Variants in OR2T10 observed in about 807,000 individuals in gnomAD.
The protein encoded by OR2T10 is olfactory receptor family 2 subfamily T member 10, also known as olfactory receptor 2T10.
For missense variants in OR2T10, 335 were observed against 382.5 expected (o/e 0.88, Z 1.04); for synonymous variants, 125 against 141.8 (o/e 0.88, Z 0.84).
chr1:248,593,642 T>C lies in OR2T10; in HGVS notation c.127A>G (p.Ile43Val). 1 of 1,560,880 alleles carries C rather than the reference T, an allele frequency of 6.4e-7. No individual in the cohort carries two copies. The highest frequency in any genetic ancestry group is 8.7e-7 in the Non-Finnish European group (1 of 1,148,696). Reference sequence around the variant, plus strand: ...ATGTGGATCAGAAGTATCAATGTAATATTCCAAGACACAGCCATCAAAAAT... The same window carrying C: ...ATGTGGATCAGAAGTATCAATGTAACATTCCAAGACACAGCCATCAAAAAT... ...SIFLMAVSWN[I>V]TLILLIHIDS... The change falls in exon 2 of 2, where the codon ATT becomes GTT. Residue 43 changes from isoleucine (I) to valine (V), a missense_variant. By Grantham distance (29) the Ile-to-Val change is conservative. Transcript: ENST00000642090.
Position 248,597,483 on chromosome 1 carries a change from C to A in OR2T10, c.-29+9G>T, listed in dbSNP as rs1424688891. The A allele has an allele frequency of 2.8e-5, 4 of 142,256 alleles. No homozygotes were observed. The highest frequency in any genetic ancestry group is 1.1e-4 in the African/African-American group (4 of 36,062). The allele number at this position is 142,256 out of a possible 1,614,324, so 8.8% of individuals were successfully genotyped here. A position where few individuals can be genotyped will look rare whatever the true frequency, so the allele number is the denominator to read the frequency against. On this transcript the variant is annotated intron_variant, in intron 1 of 1. Coordinates refer to ENST00000642090, the MANE Select transcript of OR2T10 (RefSeq NM_001004693.2). ...AAAAGTTAATAACAATAAATTATTC[C>A]TTTCTTACTGGAACAAAGGAAGAAA...
At chr1:248,594,222 G>T (rs1364320074) in intron 1 of OR2T10, among the ~76,000 whole-genome samples, 1 of 143,010 alleles carries the variant, frequency 7.0e-6, no homozygotes, top group Non-Finnish European at 1.5e-5. Flanking sequence ...TGCAAAAAAG[G>T]ATTAGTAATA....
Position 248,592,155 on chromosome 1 carries a change from G to C in OR2T10, c.*675C>G, listed in dbSNP as rs963531779. 1 of 143,704 alleles carries C rather than the reference G, an allele frequency of 7.0e-6. No homozygotes were observed. The highest frequency in any genetic ancestry group is 1.5e-5 in the Non-Finnish European group (1 of 66,336). The allele number at this position is 143,704 out of a possible 1,614,324, so 8.9% of individuals were successfully genotyped here. On this transcript the variant is annotated 3_prime_UTR_variant, in exon 2 of 2. Coordinates refer to ENST00000642090, the MANE Select transcript of OR2T10 (RefSeq NM_001004693.2). The stretch of plus-strand genomic sequence containing the variant: ...CATGTCTCTGCTCTAATTTTGGGAG[G>C]TTTGACTTCTTATATGCTCACAGAA...
rs1262057724 is a variant in OR2T10 at position 248,590,617 on chromosome 1, A to G, written c.*2213T>C. The G allele has an allele frequency of 7.0e-5, 10 of 143,468 alleles. 1 individual carries two copies. The highest frequency in any genetic ancestry group is 4.8e-4 in the Admixed American group (7 of 14,698). The allele number at this position is 143,468 out of a possible 1,614,324, so 8.9% of individuals were successfully genotyped here. A position where few individuals can be genotyped will look rare whatever the true frequency, so the allele number is the denominator to read the frequency against. On this transcript the variant is annotated 3_prime_UTR_variant, in exon 2 of 2. Transcript: ENST00000642090. ...ATATAATTGGGGTTCTATGTGAGCT[A>G]TAACTTCTAACCATATTCTATTTGG... is the stretch of plus-strand genomic sequence containing the variant.
intron 1 of OR2T10, among the ~76,000 whole-genome samples, chr1:248,595,888 G>A (rs573464971): frequency 9.1e-5 from 13 of 142,972 alleles, no homozygotes; most frequent in Admixed American, 6.2e-4. Flanking sequence ...CAGCATAGAG[G>A]CCCTGTCTCT....
intron 1 of OR2T10, among the ~76,000 whole-genome samples, chr1:248,596,398 A>G (rs1394432201): frequency 7.0e-6 from 1 of 142,908 alleles, no homozygotes; most frequent in Non-Finnish European, 1.5e-5. Flanking sequence ...GCAAATCAGC[A>G]GTGAGATGGA....
Position 248,592,680 on chromosome 1 carries a change from T to G in OR2T10, c.*150A>C. ...TAAGTGAACATCATCTCAAGTGTGATTATAGGAGGGAAGAACACTGGGCTG... is the reference window on the plus strand; with the variant it reads ...TAAGTGAACATCATCTCAAGTGTGAGTATAGGAGGGAAGAACACTGGGCTG... On this transcript the variant is annotated 3_prime_UTR_variant, in exon 2 of 2. Coordinates refer to ENST00000642090, the MANE Select transcript of OR2T10 (RefSeq NM_001004693.2). 3.8e-6 allele frequency: 2 copies of G among 529,584 alleles called. No homozygotes were observed. 32.8% of individuals were successfully genotyped at this position (529,584 alleles called of 1,614,324 possible). A position where few individuals can be genotyped will look rare whatever the true frequency, so the allele number is the denominator to read the frequency against.
At chr1:248,594,790 G>A (rs1170412498) in intron 1 of OR2T10, 1 of 143,408 alleles carries the variant, frequency 7.0e-6, no homozygotes, top group Admixed American at 6.8e-5. Context: ...TAGAATTTTG[G>A]TGAGAGAAAG....
In OR2T10 at chr1:248,592,149, T is replaced by G. The variant is rs1292092681; in HGVS notation, c.*681A>C. The stretch of plus-strand genomic sequence containing the variant: ...ATAGCCCATGTCTCTGCTCTAATTT[T>G]GGGAGGTTTGACTTCTTATATGCTC... On this transcript the variant is annotated 3_prime_UTR_variant, in exon 2 of 2. Transcript: ENST00000642090. The G allele has an allele frequency of 6.9e-6, 1 of 144,034 alleles. No individual in the cohort carries two copies. Among genetic ancestry groups the G allele is most frequent in the African/African-American group, 2.7e-5 (1 of 36,686 alleles). 8.9% of individuals were successfully genotyped at this position (144,034 alleles called of 1,614,324 possible).
chr1:248,597,392 T>TTA (rs1660108266), intron 1 of OR2T10, 100 bp downstream of exon 1: 6 of 143,114 alleles, frequency 4.2e-5, no homozygotes, highest in African/African-American at 1.6e-4. Flanking sequence ...GTATTAAATA[T>TTA]ATATTAACTG....
At chr1:248,595,690 T>C (rs1387201853) in intron 1 of OR2T10, among the ~76,000 whole-genome samples, 2 of 143,288 alleles carry the variant, frequency 1.4e-5, no homozygotes, top group African/African-American at 5.5e-5. Context: ...ACTAGACTAA[T>C]AAACTATATT....
At position 248,593,439 on chromosome 1, in the gene OR2T10, T is replaced by C; in HGVS notation, c.330A>G (p.Ala110=). The change falls in exon 2 of 2, where the codon GCA becomes GCG. Residue 110 remains alanine, a synonymous_variant. Coordinates refer to ENST00000642090, the MANE Select transcript of OR2T10 (RefSeq NM_001004693.2). ...QMYFYLQLGG[A]ECCLLAAMAY... is the part of the protein sequence containing the mutation. ...CCATGGCGGCTAGAAGGCAGCACTC[T>C]GCACCTCCCAACTGCAGGTAGAAGT... 2 of 1,572,294 alleles carry C rather than the reference T, an allele frequency of 1.3e-6. No individual in the cohort carries two copies. Among genetic ancestry groups the C allele is most frequent in the East Asian group, 2.3e-5 (1 of 43,612 alleles).
In OR2T10 at chr1:248,592,949, ACAT is replaced by A. The variant is rs1255503092; in HGVS notation, c.817_819del (p.Met273del). ...GTAAGGATAGTGTAGAAAAAGGATG[ACAT>A]CATATCTTTCTCAGGAGTTTGGTAG... On this transcript the variant is annotated inframe_deletion, in exon 2 of 2. Coordinates refer to ENST00000642090, the MANE Select transcript of OR2T10 (RefSeq NM_001004693.2). 2.6e-6 allele frequency: 4 copies of A among 1,566,622 alleles called. 1 individual carries two copies. The highest frequency in any genetic ancestry group is 2.3e-5 in the South Asian group (2 of 88,782).
In OR2T10 at chr1:248,590,630, A is replaced by G. The variant is rs533977871; in HGVS notation, c.*2200T>C. The G allele has an allele frequency of 1.4e-5, 2 of 143,294 alleles. No homozygotes were observed. The highest frequency in any genetic ancestry group is 5.5e-5 in the African/African-American group (2 of 36,482). The allele number at this position is 143,294 out of a possible 1,614,324, so 8.9% of individuals were successfully genotyped here. On this transcript the variant is annotated 3_prime_UTR_variant, in exon 2 of 2. Coordinates refer to ENST00000642090, the MANE Select transcript of OR2T10 (RefSeq NM_001004693.2). ...TCTATGTGAGCTATAACTTCTAACC[A>G]TATTCTATTTGGCCCATCTGTTTCA...
Position 248,592,938 on chromosome 1 carries a change from GAA to G in OR2T10, c.829_830del (p.Phe277LeufsTer18), listed in dbSNP as rs776764331. ...TCAAGACAGGTGTAAGGATAGTGTA[GAA>G]AAAGGATGACATCATATCTTTCTCA... ...TPEKDMMSSF[F>X]YTILTPVLNP... On this transcript the variant is annotated frameshift_variant, in exon 2 of 2. Coordinates refer to ENST00000642090, the MANE Select transcript of OR2T10 (RefSeq NM_001004693.2). LOFTEE classifies it low-confidence loss of function (END_TRUNC). 6.4e-7 allele frequency: 1 copy of G among 1,566,016 alleles called. No individual in the cohort carries two copies. The highest frequency in any genetic ancestry group is 1.7e-5 in the Admixed American group (1 of 58,376).
chr1:248,597,132 C>A (rs1438035234), intron 1 of OR2T10, among the ~76,000 whole-genome samples: 1 of 143,368 alleles, frequency 7.0e-6, no homozygotes, highest in Non-Finnish European at 1.5e-5. Context: ...GTTTAGTTCT[C>A]TTCTTTTCCG....
intron 1 of OR2T10, among the ~76,000 whole-genome samples, chr1:248,596,636 A>G (rs990630048): frequency 2.1e-5 from 3 of 143,734 alleles, no homozygotes; most frequent in Non-Finnish European, 4.5e-5. Flanking sequence ...ACGCAAGGCA[A>G]AAGAACAGCA....
intron 1 of OR2T10, among the ~76,000 whole-genome samples, chr1:248,596,876 C>T (rs1660100058): frequency 7.0e-6 from 1 of 142,166 alleles, no homozygotes; most frequent in African/African-American, 2.8e-5. Context: ...AGGCTGAAAC[C>T]TCTATCAACC....
Position 248,596,763 on chromosome 1 carries a change from G to A in OR2T10, c.-29+729C>T, listed in dbSNP as rs1319836812. On this transcript the variant is annotated intron_variant, in intron 1 of 1. Transcript: ENST00000642090. ...GACAGGCTTCACAGTAGTAACATCT[G>A]CACTGTAGGAAGGAGAGCACCCCTC... 3.5e-5 allele frequency among the ~76,000 whole-genome samples: 5 copies of A among 143,306 alleles called. 1 individual carries two copies. In the East Asian group the frequency reaches 1.0e-3, roughly 29 times the overall value. The allele number at this position is 143,306 out of a possible 152,430, so 94.0% of individuals were successfully genotyped here. A position where few individuals can be genotyped will look rare whatever the true frequency, so the allele number is the denominator to read the frequency against.
Sources: gnomAD v4.1 joint callset for allele counts (sites outside exome capture counted in the v4.1 genomes callset) on GRCh38, gnomAD v4.1.1 for gene constraint, MANE v1.5 for transcripts, NCBI Gene and HGNC (gene_info 2026-07-23, HGNC 2026-07-21) for gene names.